GRK3: variants seen among roughly 807,000 people sequenced by gnomAD.
The protein encoded by GRK3 is G protein-coupled receptor kinase 3.
A neutral mutation model predicts 95.7 loss-of-function variants in GRK3; 54 were observed. That is an observed-to-expected ratio of 0.56 (90% CI 0.45 to 0.71). The LOEUF (loss-of-function observed/expected upper bound fraction) is 0.71, where lower values mean the gene tolerates loss of function less well. Ranked by LOEUF, GRK3 falls within the 30% of genes least tolerant of loss-of-function variation. GRK3 has a pLI of 0.00. For missense variants in GRK3, 649 were observed against 851.2 expected (o/e 0.76, Z 2.96); for synonymous variants, 281 against 290.8 (o/e 0.97, Z 0.34).
chr22:25,657,636 G>C (rs938521357), intron 3 of GRK3, among the ~76,000 whole-genome samples: 1 of 152,028 alleles, frequency 6.6e-6, no homozygotes, highest in African/African-American at 2.4e-5. Context: ...CTGCTTTTTA[G>C]TGAAGTAATT....
At chr22:25,633,066 A>T (rs1010410682) in intron 2 of GRK3, among the ~76,000 whole-genome samples, 1 of 151,174 alleles carries the variant, frequency 6.6e-6, no homozygotes, top group African/African-American at 2.4e-5. Context: ...ACCTGCCACC[A>T]AGCCTGGCTA....
chr22:25,658,024 G>C (rs2084884631), intron 3 of GRK3, among the ~76,000 whole-genome samples: 1 of 151,352 alleles, frequency 6.6e-6, no homozygotes, highest in Non-Finnish European at 1.5e-5. Flanking sequence ...ATTTTTATCT[G>C]GTTCTTTTCA....
chr22:25,709,640 A>G (rs2085328438), intron 15 of GRK3, among the ~76,000 whole-genome samples: 1 of 151,904 alleles, frequency 6.6e-6, no homozygotes, highest in Non-Finnish European at 1.5e-5. Context: ...ATCTGTGAAA[A>G]TTTCTAGGTT....
Position 25,648,943 on chromosome 22 carries a change from G to A in GRK3, c.264+4278G>A, listed in dbSNP as rs118017698. The A allele has an allele frequency of 1.1e-3, 988 of 902,532 alleles. 25 individuals are homozygous for A. In the East Asian group the frequency reaches 0.024, roughly 21 times the overall value. The allele number at this position is 902,532 out of a possible 1,614,324, so 55.9% of individuals were successfully genotyped here. ...ACAGCTCCTGAAGTTGCACTGTATG[G>A]TGGGTTTACAATAAAGTCTGGTGTC... On this transcript the variant is annotated intron_variant, in intron 3 of 20. Coordinates refer to ENST00000324198, the MANE Select transcript of GRK3 (RefSeq NM_005160.4).
intron 2 of GRK3, among the ~76,000 whole-genome samples, chr22:25,619,263 T>C (rs1050968298): frequency 3.3e-5 from 5 of 152,174 alleles, no homozygotes; most frequent in Admixed American, 1.3e-4. Flanking sequence ...TGATAACAGT[T>C]AATGAGCCCC....
chr22:25,711,838 C>A (rs929509273), intron 17 of GRK3, among the ~76,000 whole-genome samples: 3 of 152,224 alleles, frequency 2.0e-5, no homozygotes, highest in Non-Finnish European at 4.4e-5. Flanking sequence ...CCCATTTACA[C>A]CCTTCTGACA....
chr22:25,624,489 G>A (rs979805420), intron 2 of GRK3, among the ~76,000 whole-genome samples: 3 of 152,206 alleles, frequency 2.0e-5, no homozygotes, highest in Admixed American at 6.5e-5. Flanking sequence ...ACGTGAACCC[G>A]GGAGGTGGAG....
At chr22:25,635,317 A>G (rs529872580) in intron 2 of GRK3, among the ~76,000 whole-genome samples, 4 of 152,258 alleles carry the variant, frequency 2.6e-5, no homozygotes, top group Admixed American at 1.3e-4. Flanking sequence ...CTTGACCATT[A>G]TATGTTTCAG....
rs562100614 is a variant in GRK3 at position 25,676,502 on chromosome 22, T to A, written c.647+1974T>A. 4.6e-5 allele frequency among the ~76,000 whole-genome samples: 7 copies of A among 152,158 alleles called. No individual in the cohort carries two copies. In the East Asian group the frequency reaches 1.4e-3, roughly 29 times the overall value. The stretch of plus-strand genomic sequence containing the variant: ...GTCAGGAGATCGAGACTGTCCTGGC[T>A]AACACAGTGAAACCCTGTCACTACT... On this transcript the variant is annotated intron_variant, in intron 8 of 20. Coordinates refer to ENST00000324198, the MANE Select transcript of GRK3 (RefSeq NM_005160.4).
chr22:25,695,835 A>ATT (rs1191151827), intron 13 of GRK3, among the ~76,000 whole-genome samples: 16 of 133,536 alleles, frequency 1.2e-4, no homozygotes, highest in East Asian at 2.1e-4. Flanking sequence ...CACCCGGCTA[A>ATT]TTTTTTTTTT....
chr22:25,706,561 C>T (rs552501970), intron 15 of GRK3, among the ~76,000 whole-genome samples: 1 of 152,058 alleles, frequency 6.6e-6, no homozygotes, highest in East Asian at 1.9e-4. Flanking sequence ...GATTGAGTCT[C>T]GCTCTGTTAC....
chr22:25,567,639 A>G (rs1931537656), intron 1 of GRK3, among the ~76,000 whole-genome samples: 1 of 152,378 alleles, frequency 6.6e-6, no homozygotes, highest in Admixed American at 6.5e-5. Context: ...AGTTTTTGGT[A>G]TTCTTGAAAG....
chr22:25,611,081 C>T (rs1034370567), intron 2 of GRK3, among the ~76,000 whole-genome samples: 13 of 152,102 alleles, frequency 8.5e-5, no homozygotes, highest in Admixed American at 2.0e-4. Flanking sequence ...AGGCTGGTCT[C>T]GAACTCCTGA....
At chr22:25,615,700 C>T (rs2084532796) in intron 2 of GRK3, among the ~76,000 whole-genome samples, 2 of 144,880 alleles carry the variant, frequency 1.4e-5, no homozygotes, top group African/African-American at 5.3e-5. Context: ...GAGTTAACTC[C>T]TCCTTCTCGG....
At chr22:25,667,682 G>GT in intron 5 of GRK3, 57 bp from the exon 6 acceptor site, 4 of 1,306,890 alleles carry the variant, frequency 3.1e-6, no homozygotes, top group Non-Finnish European at 4.4e-6. Flanking sequence ...ATTGGTTTGT[G>GT]TTTTTTTGAT....
rs559509487 is a variant in GRK3, at chr22:25,664,539, G to C, written c.441+835G>C. ...GCATTTTTTTTTTTTTTTTTTTTTT[G>C]AGACAGAGTCTCGCTCTGTCGCCCA... On this transcript the variant is annotated intron_variant, in intron 5 of 20. Transcript: ENST00000324198. Among the ~76,000 whole-genome samples the C allele has an allele frequency of 1.6e-4, 6 of 36,752 alleles. No homozygotes were observed. The East Asian group carries it at 5.2e-3, about 32-fold the overall frequency. 24.1% of individuals were successfully genotyped at this position (36,752 alleles called of 152,430 possible).
chr22:25,715,404 G>T (rs1386929114), intron 18 of GRK3, among the ~76,000 whole-genome samples: 1 of 152,106 alleles, frequency 6.6e-6, no homozygotes, highest in Non-Finnish European at 1.5e-5. Flanking sequence ...CCCAGGGACT[G>T]GGGGGCCGAG....
At chr22:25,578,960 C>G (rs897591150) in intron 1 of GRK3, among the ~76,000 whole-genome samples, 3 of 152,070 alleles carry the variant, frequency 2.0e-5, no homozygotes, top group African/African-American at 4.8e-5. Context: ...ATGCTATCCA[C>G]AAGAGATCCC....
intron 13 of GRK3, among the ~76,000 whole-genome samples, chr22:25,698,370 C>T (rs535600693): frequency 6.6e-6 from 1 of 152,162 alleles, no homozygotes; most frequent in Non-Finnish European, 1.5e-5. Context: ...TATTGATATA[C>T]ACACCGGATC....
Sources: allele counts gnomAD v4.1 joint callset (sites outside exome capture counted in the v4.1 genomes callset), GRCh38; gene constraint gnomAD v4.1.1; transcripts MANE v1.5; gene names NCBI Gene and HGNC (gene_info 2026-07-23, HGNC 2026-07-21).